The following JMJD1C variants were observed in gnomAD, a reference collection of about 807,000 sequenced individuals.
JMJD1C encodes the protein jumonji domain-containing protein 1C.
A neutral mutation model predicts 245.3 loss-of-function variants in JMJD1C; 31 were observed. That is an observed-to-expected ratio of 0.13 (90% CI 0.09 to 0.17). The LOEUF (loss-of-function observed/expected upper bound fraction) is 0.17, where lower values mean the gene tolerates loss of function less well. Ranked by LOEUF, JMJD1C falls within the 10% of genes least tolerant of loss-of-function variation. The probability of loss-of-function intolerance (pLI) is 1.00; values close to 1 mark genes in which losing one functional copy is unlikely to be tolerated. For synonymous variants in JMJD1C, 1,057 were observed against 1,017.4 expected (o/e 1.04, Z -0.74); for missense variants, 2,691 against 3,000.2 (o/e 0.90, Z 2.41).
chr10:63,203,169 C>T, intron 10 of JMJD1C: 1 of 984,854 alleles, frequency 1.0e-6, no homozygotes, highest in Non-Finnish European at 1.2e-6. Context: ...TGCTTCTAGA[C>T]AAGGCCACAC....
chr10:63,386,518 T>C (rs1221883124), intron 1 of JMJD1C, among the ~76,000 whole-genome samples: 1 of 152,180 alleles, frequency 6.6e-6, no homozygotes, highest in Non-Finnish European at 1.5e-5. Context: ...CCCTCCAGTA[T>C]GTAAGCACAT....
At chr10:63,429,027 C>A (rs1460974339) in intron 1 of JMJD1C, among the ~76,000 whole-genome samples, 2 of 152,148 alleles carry the variant, frequency 1.3e-5, no homozygotes, top group Non-Finnish European at 1.5e-5. Context: ...GTTACCCAGG[C>A]TGGAGTGCAA....
chr10:63,439,268 GA>G (rs1410184523), intron 1 of JMJD1C, among the ~76,000 whole-genome samples: 1 of 152,090 alleles, frequency 6.6e-6, no homozygotes, highest in East Asian at 1.9e-4. Context: ...CTTCTCTGTA[GA>G]AACAACAGTA....
chr10:63,501,528 A>G (rs1020127784), intron 1 of JMJD1C, among the ~76,000 whole-genome samples: 1 of 152,214 alleles, frequency 6.6e-6, no homozygotes, highest in Non-Finnish European at 1.5e-5. Context: ...CTGTAATCCC[A>G]GCACTTTGGG....
In JMJD1C at chr10:63,214,419, G is replaced by A. The variant is rs1485789300; in HGVS notation, c.1748C>T (p.Ser583Phe). The A allele has an allele frequency of 6.2e-7, 1 of 1,613,818 alleles. No individual in the cohort carries two copies. The highest frequency in any genetic ancestry group is 8.5e-7 in the Non-Finnish European group (1 of 1,179,906). Residue 583 changes from serine (S) to phenylalanine (F), a missense_variant, in exon 8 of 26, where the codon TCT becomes TTT. Physicochemically the swap from Ser to Phe is radical, Grantham distance 155. This residue lies in a region of JMJD1C where 1,562 missense variants were observed against 1,490.7 expected (regional missense o/e 1.05). Transcript: ENST00000399262. ...DLTQSSVTNA[S>F]SGNDHLNMEK... ...CATGTTCAAGTGATCATTTCCTGAA[G>A]AAGCATTTGTAACACTTGATTGGGT...
intron 1 of JMJD1C, among the ~76,000 whole-genome samples, chr10:63,428,499 A>G (rs967541597): frequency 6.6e-6 from 1 of 152,244 alleles, no homozygotes; most frequent in Non-Finnish European, 1.5e-5. Flanking sequence ...TGATCCTTAA[A>G]ATTCCTTTCT....
At chr10:63,310,428 C>T (rs1939017103) in intron 2 of JMJD1C, among the ~76,000 whole-genome samples, 1 of 152,066 alleles carries the variant, frequency 6.6e-6, no homozygotes, top group South Asian at 2.1e-4. Context: ...GCAAGACAAC[C>T]AATTGGAACA....
At chr10:63,370,807 CTAAAA>C (rs1946252837) in intron 2 of JMJD1C, among the ~76,000 whole-genome samples, 1 of 152,070 alleles carries the variant, frequency 6.6e-6, no homozygotes, top group Non-Finnish European at 1.5e-5. Flanking sequence ...AACAAGTTTA[CTAAAA>C]TAACTCATTT....
chr10:63,361,689 G>T (rs543513944), intron 2 of JMJD1C, among the ~76,000 whole-genome samples: 5 of 126,602 alleles, frequency 3.9e-5, no homozygotes, highest in Non-Finnish European at 6.2e-5. Flanking sequence ...CTGGACTCCA[G>T]CCTGGGCAAC....
intron 2 of JMJD1C, among the ~76,000 whole-genome samples, chr10:63,274,991 T>G (rs1359931340): frequency 6.6e-6 from 1 of 151,910 alleles, no homozygotes; most frequent in Non-Finnish European, 1.5e-5. Context: ...GCCCAGGGAG[T>G]AGGAGACCAG....
intron 2 of JMJD1C, among the ~76,000 whole-genome samples, chr10:63,288,935 A>C (rs909634989): frequency 3.6e-4 from 53 of 147,492 alleles, no homozygotes; most frequent in Non-Finnish European, 5.2e-4. Context: ...TAATGATAAT[A>C]ATCTGTATAT....
intron 1 of JMJD1C, among the ~76,000 whole-genome samples, chr10:63,475,501 C>T (rs1265650303): frequency 1.3e-5 from 2 of 152,080 alleles, no homozygotes; most frequent in Admixed American, 6.5e-5. Flanking sequence ...TAAATTCCTG[C>T]AAAATTAGAT....
chr10:63,192,011 A>C (rs547267720), intron 16 of JMJD1C, among the ~76,000 whole-genome samples: 5 of 114,832 alleles, frequency 4.4e-5, no homozygotes, highest in East Asian at 2.7e-4. Context: ...AAAAAAAAAC[A>C]CAAAAAACAA....
At chr10:63,314,633 T>A (rs371867301) in intron 2 of JMJD1C, among the ~76,000 whole-genome samples, 2 of 152,142 alleles carry the variant, frequency 1.3e-5, no homozygotes, top group Non-Finnish European at 2.9e-5. Flanking sequence ...AGTTTTGTTT[T>A]TTTTTTTTTC....
intron 2 of JMJD1C, among the ~76,000 whole-genome samples, chr10:63,373,906 T>G (rs1181601203): frequency 6.6e-6 from 1 of 152,176 alleles, no homozygotes; most frequent in East Asian, 1.9e-4. Flanking sequence ...GTTTGCAAAA[T>G]GCTTATGAAA....
chr10:63,236,492 G>T (rs187826270), intron 3 of JMJD1C, among the ~76,000 whole-genome samples: 2 of 152,238 alleles, frequency 1.3e-5, no homozygotes, highest in East Asian at 3.9e-4. Context: ...CAAAAGTCTG[G>T]AAGGCAGTTT....
Position 63,299,710 on chromosome 10 carries a change from G to A in JMJD1C, c.334-34946C>T, listed in dbSNP as rs114695703. Among the ~76,000 whole-genome samples, 400 of 152,026 alleles carry A rather than the reference G, an allele frequency of 2.6e-3. 3 individuals carry two copies. The highest frequency in any genetic ancestry group is 9.0e-3 in the African/African-American group (373 of 41,472). ...TTCTCTTTGGCAAAAACATAAAAAC[G>A]ATTTGAAGATGAACAAACTGGGTTA... On this transcript the variant is annotated intron_variant, in intron 2 of 25. Transcript: ENST00000399262.
chr10:63,217,466 A>C, intron 4 of JMJD1C, 135 bp from the exon 5 acceptor site: 1 of 636,380 alleles, frequency 1.6e-6, no homozygotes, highest in East Asian at 3.0e-5. Flanking sequence ...ATGTTTTAGA[A>C]GTAAATATCC....
At chr10:63,510,939 C>T (rs1954854981) in intron 1 of JMJD1C, among the ~76,000 whole-genome samples, 1 of 152,174 alleles carries the variant, frequency 6.6e-6, no homozygotes, top group South Asian at 2.1e-4. Flanking sequence ...TCATTACGTC[C>T]TATTTATCCC....
Sources: gnomAD v4.1 joint callset for allele counts (sites outside exome capture counted in the v4.1 genomes callset) on GRCh38, gnomAD v4.1.1 for gene constraint, gnomAD v4.1.1 regional missense constraint, MANE v1.5 for transcripts, NCBI Gene and HGNC (gene_info 2026-07-23, HGNC 2026-07-21) for gene names.